Variants in PCDHGB7 observed in about 807,000 individuals in gnomAD.
PCDHGB7 encodes protocadherin gamma-B7.
Under a neutral mutation model 61.4 loss-of-function variants are expected in PCDHGB7, and 37 were observed. The observed-to-expected ratio is 0.60, with a 90% confidence interval of 0.46 to 0.79. The LOEUF is 0.79. Ranked by LOEUF, PCDHGB7 falls within the 30% of genes least tolerant of loss-of-function variation. The pLI is 0.00. For synonymous variants in PCDHGB7, 464 were observed against 503.5 expected (o/e 0.92, Z 1.05); for missense variants, 1,166 against 1,202.5 (o/e 0.97, Z 0.45).
chr5:141,485,768 C>G lies in PCDHGB7; in HGVS notation c.2416-9039C>G. ...GGTCCCAGAGCTGCTCCTGGAGAAG[C>G]CTTTGGATCGAGAGAAGCAATCGGA... On this transcript the variant is annotated intron_variant, in intron 1 of 3. Coordinates refer to ENST00000398594, the MANE Select transcript of PCDHGB7 (RefSeq NM_018927.4). The surrounding 1 kb of genome is among the most constrained non-coding windows in gnomAD (Gnocchi z 5.7). 5 of 1,614,192 alleles carry G rather than the reference C, an allele frequency of 3.1e-6. No homozygotes were observed. The South Asian group carries it at 3.3e-5, about 11-fold the overall frequency.
Position 141,485,996 on chromosome 5 carries a change from G to A in PCDHGB7, c.2416-8811G>A, listed in dbSNP as rs114142606. On this transcript the variant is annotated intron_variant, in intron 1 of 3. Coordinates refer to ENST00000398594, the MANE Select transcript of PCDHGB7 (RefSeq NM_018927.4). The surrounding 1 kb of genome is among the most constrained non-coding windows in gnomAD (Gnocchi z 5.7). ...CTCAGACCCGGACCTGGGTCCCAGT[G>A]GTAACGTCACCTTTTATTTCAGTGG... The A allele has an allele frequency of 1.6e-4, 256 of 1,614,178 alleles. 1 individual carries two copies. Among genetic ancestry groups the A allele is most frequent in the Middle Eastern group, 1.5e-3 (9 of 6,062 alleles).
At chr5:141,459,149 T>C (rs2098961903) in intron 1 of PCDHGB7, among the ~76,000 whole-genome samples, 1 of 152,234 alleles carries the variant, frequency 6.6e-6, no homozygotes, top group Non-Finnish European at 1.5e-5. Context: ...AATCAAAATA[T>C]AGAACATTTC....
rs776677714 is a variant in PCDHGB7 at position 141,419,329 on chromosome 5, T to C, written c.1470T>C (p.Ser490=). The C allele has an allele frequency of 7.4e-6, 12 of 1,613,842 alleles. 2 individuals carry two copies. The South Asian group carries it at 1.3e-4, about 18-fold the overall frequency. The change falls in exon 1 of 4, where the codon TCT becomes TCC. Residue 490 remains serine (S), a synonymous_variant. Coordinates refer to ENST00000398594, the MANE Select transcript of PCDHGB7 (RefSeq NM_018927.4). The part of the protein sequence containing the change: ...DFGLNGRVSY[S]LIASDLESRT... The stretch of plus-strand genomic sequence containing the variant: ...GGCTCAACGGCCGTGTCTCCTACTC[T>C]CTCATTGCCAGCGACCTGGAGTCAC...
intron 1 of PCDHGB7, among the ~76,000 whole-genome samples, chr5:141,434,902 C>T (rs1591355042): frequency 6.6e-6 from 1 of 151,934 alleles, no homozygotes; most frequent in East Asian, 1.9e-4. Flanking sequence ...CCCCTTCCCT[C>T]ATACCTTATT....
chr5:141,423,174 C>T (rs1203454000), intron 1 of PCDHGB7: 1 of 1,613,484 alleles, frequency 6.2e-7, no homozygotes, highest in South Asian at 1.1e-5. Flanking sequence ...CCGTCCAGGA[C>T]CACGGCCAGC....
rs1456451105 is a variant in PCDHGB7 at position 141,477,377 on chromosome 5, C to T, written c.2416-17430C>T. Reference sequence around the variant, plus strand: ...TGCAGACCTGGATCGGGAGACTGTGCCAGAATACAACCTCAGCATCACCGC... The same window carrying T: ...TGCAGACCTGGATCGGGAGACTGTGTCAGAATACAACCTCAGCATCACCGC... On this transcript the variant is annotated intron_variant, in intron 1 of 3. Coordinates refer to ENST00000398594, the MANE Select transcript of PCDHGB7 (RefSeq NM_018927.4). This position sits in a 1 kb window ranked among gnomAD's most constrained non-coding sequence, Gnocchi z 4.9. 1 of 1,614,144 alleles carries T rather than the reference C, an allele frequency of 6.2e-7. No homozygotes were observed. Among genetic ancestry groups the T allele is most frequent in the South Asian group, 1.1e-5 (1 of 91,080 alleles).
In PCDHGB7 at chr5:141,449,878, A is replaced by G. The variant is rs536474516; in HGVS notation, c.2415+29604A>G. On this transcript the variant is annotated intron_variant, in intron 1 of 3. Transcript: ENST00000398594. ...ATAAAAATCAGAAAATTTAACATCA[A>G]TGCAATATAATTATTTAGCCTATAG... 6.6e-4 allele frequency among the ~76,000 whole-genome samples: 100 copies of G among 152,050 alleles called. 1 individual carries two copies. The highest frequency in any genetic ancestry group is 2.4e-3 in the African/African-American group (99 of 41,574).
Position 141,486,929 on chromosome 5 carries a change from G to A in PCDHGB7, c.2416-7878G>A. 2.5e-6 allele frequency: 4 copies of A among 1,614,226 alleles called. No individual in the cohort carries two copies. Among genetic ancestry groups the A allele is most frequent in the Non-Finnish European group, 2.5e-6 (3 of 1,180,038 alleles). ...CCAAGCACTGCCTCCATCAGTTGGT[G>A]CTGGCCACCTAATCACAAAGGTGAC... On this transcript the variant is annotated intron_variant, in intron 1 of 3. Transcript: ENST00000398594. This position sits in a 1 kb window ranked among gnomAD's most constrained non-coding sequence, Gnocchi z 5.0.
intron 2 of PCDHGB7, among the ~76,000 whole-genome samples, chr5:141,503,269 C>A (rs1161751693): frequency 6.6e-6 from 1 of 152,116 alleles, no homozygotes; most frequent in Non-Finnish European, 1.5e-5. Context: ...ACCCCAGCAC[C>A]TGGCTCTGTG....
rs934044974 is a variant in PCDHGB7, at chr5:141,476,034, C to T, written c.2416-18773C>T. 3 of 1,464,488 alleles carry T rather than the reference C, an allele frequency of 2.0e-6. No individual in the cohort carries two copies. The highest frequency in any genetic ancestry group is 2.3e-5 in the Admixed American group (1 of 44,364). The allele number at this position is 1,464,488 out of a possible 1,614,324, so 90.7% of individuals were successfully genotyped here. A position where few individuals can be genotyped will look rare whatever the true frequency, so the allele number is the denominator to read the frequency against. On this transcript the variant is annotated intron_variant, in intron 1 of 3. Transcript: ENST00000398594. The surrounding 1 kb of genome is among the most constrained non-coding windows in gnomAD (Gnocchi z 7.6). ...CCATGTCGGACTCGGCGCCCAGCGC[C>T]CAAGCGCTAACCCGCTGAAAGTTTC...
intron 1 of PCDHGB7, among the ~76,000 whole-genome samples, chr5:141,460,117 T>G (rs1454761302): frequency 6.6e-6 from 1 of 151,982 alleles, no homozygotes; most frequent in Non-Finnish European, 1.5e-5. Context: ...ATGATTTTTA[T>G]ATATGTAATA....
chr5:141,473,262 G>T (rs905961411), intron 1 of PCDHGB7, among the ~76,000 whole-genome samples: 2 of 152,188 alleles, frequency 1.3e-5, no homozygotes, highest in Admixed American at 6.5e-5. Flanking sequence ...AGTCCTTAGT[G>T]TATGCTATGA....
intron 1 of PCDHGB7, chr5:141,484,889 T>C (rs2099602721): frequency 2.8e-6 from 1 of 363,070 alleles, no homozygotes. Flanking sequence ...GTGGGCTTTT[T>C]CCCCTCCAAT....
Position 141,426,411 on chromosome 5 carries a change from C to A in PCDHGB7, c.2415+6137C>A, listed in dbSNP as rs1561821998. 10 of 286,096 alleles carry A rather than the reference C, an allele frequency of 3.5e-5. No homozygotes were observed. In the South Asian group the frequency reaches 3.7e-4, roughly 11 times the overall value. The allele number at this position is 286,096 out of a possible 1,614,324, so 17.7% of individuals were successfully genotyped here. On this transcript the variant is annotated intron_variant, in intron 1 of 3. Coordinates refer to ENST00000398594, the MANE Select transcript of PCDHGB7 (RefSeq NM_018927.4). ...GCTACTCTATTCCAGAAGAAACGGT[C>A]CAGGGCTCCGTGGTGGGGAACCTTG... is the stretch of plus-strand genomic sequence containing the variant.
chr5:141,491,110 C>T lies in PCDHGB7; in HGVS notation c.2416-3697C>T. On this transcript the variant is annotated intron_variant, in intron 1 of 3. Transcript: ENST00000398594. This position sits in a 1 kb window ranked among gnomAD's most constrained non-coding sequence, Gnocchi z 6.9. ...CCCAGGACTGTTCCTCGTGTCTACA[C>T]ACACTGGTGAGGTGCGCACAGCCCG... 3.7e-6 allele frequency: 6 copies of T among 1,614,212 alleles called. No individual in the cohort carries two copies. Among genetic ancestry groups the T allele is most frequent in the Non-Finnish European group, 5.1e-6 (6 of 1,180,024 alleles).
In PCDHGB7 at chr5:141,485,219, A is replaced by C. The variant is rs954128321; in HGVS notation, c.2416-9588A>C. 20 of 1,613,930 alleles carry C rather than the reference A, an allele frequency of 1.2e-5. No individual in the cohort carries two copies. The highest frequency in any genetic ancestry group is 1.6e-5 in the Non-Finnish European group (19 of 1,179,944). On this transcript the variant is annotated intron_variant, in intron 1 of 3. Coordinates refer to ENST00000398594, the MANE Select transcript of PCDHGB7 (RefSeq NM_018927.4). The surrounding 1 kb of genome is among the most constrained non-coding windows in gnomAD (Gnocchi z 5.7). The stretch of plus-strand genomic sequence containing the variant: ...CTGGACAGAAATCTGGCGGTGGGCT[A>C]CCCTTTTGTTCCTCTTTTACCACCT...
At chr5:141,499,323 GCTCT>G (rs1259902316) in intron 2 of PCDHGB7, among the ~76,000 whole-genome samples, 1 of 152,046 alleles carries the variant, frequency 6.6e-6, no homozygotes, top group East Asian at 1.9e-4. Context: ...CAGTATCCCT[GCTCT>G]CTCTCAGTTT....
At position 141,485,122 on chromosome 5, in the gene PCDHGB7, G is replaced by A. The variant is rs1000179570; in HGVS notation, c.2416-9685G>A. The A allele has an allele frequency of 1.4e-6, 2 of 1,387,624 alleles. No individual in the cohort carries two copies. The highest frequency in any genetic ancestry group is 1.4e-5 in the African/African-American group (1 of 70,566). 86.0% of individuals were successfully genotyped at this position (1,387,624 alleles called of 1,614,324 possible). A position where few individuals can be genotyped will look rare whatever the true frequency, so the allele number is the denominator to read the frequency against. Reference sequence around the variant, plus strand: ...CAGCTGCTGTGGCTGTTTGGGGCGGGTCGGCTTCATCCGCGTCTCAGGAGC... The same window carrying A: ...CAGCTGCTGTGGCTGTTTGGGGCGGATCGGCTTCATCCGCGTCTCAGGAGC... On this transcript the variant is annotated intron_variant, in intron 1 of 3. Coordinates refer to ENST00000398594, the MANE Select transcript of PCDHGB7 (RefSeq NM_018927.4). The surrounding 1 kb of genome is among the most constrained non-coding windows in gnomAD (Gnocchi z 5.7).
At position 141,491,265 on chromosome 5, in the gene PCDHGB7, C is replaced by G. The variant is rs868682993; in HGVS notation, c.2416-3542C>G. ...AGGATGAGGACCCTGAGGAAATGCCCAAATCCAGTGACTTCCTCATACACC... is the reference window on the plus strand; with the variant it reads ...AGGATGAGGACCCTGAGGAAATGCCGAAATCCAGTGACTTCCTCATACACC... On this transcript the variant is annotated intron_variant, in intron 1 of 3. Transcript: ENST00000398594. The surrounding 1 kb of genome is among the most constrained non-coding windows in gnomAD (Gnocchi z 6.9). The G allele has an allele frequency of 6.2e-7, 1 of 1,614,074 alleles. No individual in the cohort carries two copies. The highest frequency in any genetic ancestry group is 8.5e-7 in the Non-Finnish European group (1 of 1,179,916).
Sources: gnomAD v4.1 joint callset for allele counts (sites outside exome capture counted in the v4.1 genomes callset) on GRCh38, gnomAD v4.1.1 for gene constraint, Gnocchi (gnomAD v3.1) non-coding constraint, MANE v1.5 for transcripts, NCBI Gene and HGNC (gene_info 2026-07-23, HGNC 2026-07-21) for gene names.